Variants in PSMB2 observed in about 807,000 individuals in gnomAD.
The protein encoded by PSMB2 is proteasome subunit beta type-2.
Under a neutral mutation model 25.7 loss-of-function variants are expected in PSMB2, and 13 were observed. That is an observed-to-expected ratio of 0.51 (90% CI 0.33 to 0.80). The LOEUF is 0.80. Among genes scored for constraint, PSMB2 ranks in the 30% least tolerant of loss-of-function variants. The pLI, the probability that PSMB2 is intolerant of heterozygous loss-of-function variation, is 0.02. For missense variants in PSMB2, 202 were observed against 259.0 expected, an observed-to-expected ratio of 0.78 and a Z score of 1.51; for synonymous variants, 87 against 96.2, an observed-to-expected ratio of 0.90 and a Z score of 0.56.
intron 3 of PSMB2, among the ~76,000 whole-genome samples, chr1:35,621,420 T>C (rs1650678187): frequency 6.6e-6 from 1 of 152,210 alleles, no homozygotes; most frequent in African/African-American, 2.4e-5. Context: ...TGAATGAATA[T>C]CAGCAGGTAT....
intron 2 of PSMB2, among the ~76,000 whole-genome samples, chr1:35,634,175 C>T (rs1057111045): frequency 3.9e-5 from 6 of 152,142 alleles, no homozygotes; most frequent in African/African-American, 1.4e-4. Flanking sequence ...TAAGGCAGAA[C>T]CCTTTTATGG....
Position 35,599,781 on chromosome 1 carries a change from G to A in PSMB2, c.*3486C>T. On this transcript the variant is annotated 3_prime_UTR_variant, in exon 6 of 6. Coordinates refer to ENST00000373237, the MANE Select transcript of PSMB2 (RefSeq NM_002794.5). ...GATTAAAAGTAGAGTGAAGTTAGGA[G>A]GCTGTTAAATAGTCTAAGAAACGAT... The A allele has an allele frequency of 1.0e-6, 1 of 983,920 alleles. No homozygotes were observed. Among genetic ancestry groups the A allele is most frequent in the Non-Finnish European group, 1.2e-6 (1 of 828,560 alleles). 60.9% of individuals were successfully genotyped at this position (983,920 alleles called of 1,614,324 possible).
At position 35,601,889 on chromosome 1, in the gene PSMB2, G is replaced by A. The variant is rs1178530587; in HGVS notation, c.*1378C>T. 3 of 985,436 alleles carry A rather than the reference G, an allele frequency of 3.0e-6. No homozygotes were observed. Among genetic ancestry groups the A allele is most frequent in the East Asian group, 2.3e-4 (2 of 8,818 alleles). 61.0% of individuals were successfully genotyped at this position (985,436 alleles called of 1,614,324 possible). A position where few individuals can be genotyped will look rare whatever the true frequency, so the allele number is the denominator to read the frequency against. Reference sequence around the variant, plus strand: ...ACATTGTTCCCTAAAGTTATGCTAAGAGTAAAACGAGTAACTGGTTAACTG... The same window carrying A: ...ACATTGTTCCCTAAAGTTATGCTAAAAGTAAAACGAGTAACTGGTTAACTG... On this transcript the variant is annotated 3_prime_UTR_variant, in exon 6 of 6. Coordinates refer to ENST00000373237, the MANE Select transcript of PSMB2 (RefSeq NM_002794.5).
chr1:35,628,137 A>G (rs1650919791), intron 3 of PSMB2, among the ~76,000 whole-genome samples: 1 of 152,182 alleles, frequency 6.6e-6, no homozygotes, highest in Non-Finnish European at 1.5e-5. Flanking sequence ...AGAACTAAGA[A>G]TCTATTTTGA....
At chr1:35,607,909 G>A (rs749880538) in intron 4 of PSMB2, among the ~76,000 whole-genome samples, 6 of 146,124 alleles carry the variant, frequency 4.1e-5, no homozygotes, top group African/African-American at 1.4e-4. Flanking sequence ...GGAACTGGAC[G>A]GTATTCTGCT....
At chr1:35,609,687 G>A (rs1007430942) in intron 3 of PSMB2, among the ~76,000 whole-genome samples, 1 of 152,164 alleles carries the variant, frequency 6.6e-6, no homozygotes, top group Non-Finnish European at 1.5e-5. Context: ...ATGAGAACCT[G>A]TATAAAAGCA....
rs150182974 is a variant in PSMB2, at chr1:35,603,271, G to T, written c.602C>A (p.Ser201Tyr). Residue 201 changes from serine to tyrosine, a missense_variant, in exon 6 of 6, where the codon TCC becomes TAC. By Grantham distance (144) the Ser-to-Tyr change is moderately radical. Coordinates refer to ENST00000373237, the MANE Select transcript of PSMB2 (RefSeq NM_002794.5). ...LDNISFPKQG[S>Y] ...AGTGGGAGGGAGGACATGATGTTAG[G>T]AGCCCTGTTTGGGGAAGGAAATGTT... 3.4e-4 allele frequency: 543 copies of T among 1,614,016 alleles called. No homozygotes were observed. The highest frequency in any genetic ancestry group is 4.4e-4 in the Non-Finnish European group (515 of 1,180,002).
In PSMB2 at chr1:35,599,930, C is replaced by A; in HGVS notation, c.*3337G>T. On this transcript the variant is annotated 3_prime_UTR_variant, in exon 6 of 6. Transcript: ENST00000373237. ...GGAGGATCACTTGAGGCCAAGAGTT[C>A]GAGACCAGCCTAGGCAACATGGCGA... The A allele has an allele frequency of 1.2e-6, 1 of 841,172 alleles. No individual in the cohort carries two copies. Among genetic ancestry groups the A allele is most frequent in the East Asian group, 1.2e-4 (1 of 8,088 alleles). 52.1% of individuals were successfully genotyped at this position (841,172 alleles called of 1,614,324 possible).
intron 3 of PSMB2, among the ~76,000 whole-genome samples, chr1:35,629,993 T>C (rs1256150634): frequency 6.6e-6 from 1 of 151,726 alleles, no homozygotes; most frequent in Non-Finnish European, 1.5e-5. Flanking sequence ...CTGACCAACA[T>C]GGAGAAACCC....
intron 3 of PSMB2, among the ~76,000 whole-genome samples, chr1:35,630,764 C>T (rs1261784157): frequency 6.6e-6 from 1 of 152,112 alleles, no homozygotes; most frequent in African/African-American, 2.4e-5. Context: ...ATGGTAGATA[C>T]ATGTCATTAT....
intron 1 of PSMB2, among the ~76,000 whole-genome samples, chr1:35,640,085 C>T (rs1651351989): frequency 1.3e-5 from 2 of 151,808 alleles, no homozygotes; most frequent in Non-Finnish European, 2.9e-5. Context: ...CTATACTATA[C>T]TATACTATAC....
intron 2 of PSMB2, among the ~76,000 whole-genome samples, chr1:35,632,438 C>T (rs1034611357): frequency 6.6e-6 from 1 of 152,222 alleles, no homozygotes; most frequent in African/African-American, 2.4e-5. Context: ...TAATTGCTTA[C>T]AACATTTCAA....
intron 5 of PSMB2, among the ~76,000 whole-genome samples, chr1:35,603,950 A>T (rs1034629591): frequency 1.3e-5 from 2 of 150,674 alleles, no homozygotes; most frequent in Non-Finnish European, 2.9e-5. Context: ...TGAGTTCCAG[A>T]AATCCAGGCT....
At chr1:35,621,797 G>A (rs759453636) in intron 3 of PSMB2, among the ~76,000 whole-genome samples, 8 of 151,730 alleles carry the variant, frequency 5.3e-5, no homozygotes, top group Non-Finnish European at 1.2e-4. Flanking sequence ...TCACAAGGTC[G>A]GGAGCCTGGC....
At chr1:35,624,655 A>G (rs1440506601) in intron 3 of PSMB2, among the ~76,000 whole-genome samples, 3 of 152,074 alleles carry the variant, frequency 2.0e-5, no homozygotes, top group Non-Finnish European at 4.4e-5. Flanking sequence ...CAGGAGGCTG[A>G]TGCAGGAGAA....
At chr1:35,616,712 A>G (rs1386270690) in intron 3 of PSMB2, among the ~76,000 whole-genome samples, 1 of 152,176 alleles carries the variant, frequency 6.6e-6, no homozygotes, top group Non-Finnish European at 1.5e-5. Flanking sequence ...CAATTTTTCA[A>G]TTTCACTAAT....
In PSMB2 at chr1:35,637,631, T is replaced by C. The variant is rs147009114; in HGVS notation, c.92-1199A>G. On this transcript the variant is annotated intron_variant, in intron 1 of 5. Coordinates refer to ENST00000373237, the MANE Select transcript of PSMB2 (RefSeq NM_002794.5). ...CTTCTGAAATGCCAAAATCCTTTAA[T>C]AGGATTTAAAGAACAAAATGCTACT... 2.4e-3 allele frequency among the ~76,000 whole-genome samples: 363 copies of C among 152,310 alleles called. 5 individuals carry two copies. The highest frequency in any genetic ancestry group is 8.3e-3 in the African/African-American group (345 of 41,570).
At chr1:35,625,042 C>A (rs1204451952) in intron 3 of PSMB2, among the ~76,000 whole-genome samples, 2 of 129,726 alleles carry the variant, frequency 1.5e-5, no homozygotes, top group African/African-American at 5.3e-5. Flanking sequence ...GCCTGGGTGA[C>A]AGAGCGAAAC....
intron 3 of PSMB2, among the ~76,000 whole-genome samples, chr1:35,618,693 C>T (rs76748902): frequency 0.021 from 3,129 of 152,090 alleles, 90 homozygotes; most frequent in East Asian, 0.061. Flanking sequence ...AACCCAGGGC[C>T]GGTTAGGGTC....
Sources: gnomAD v4.1 joint callset for allele counts (sites outside exome capture counted in the v4.1 genomes callset) on GRCh38, gnomAD v4.1.1 for gene constraint, MANE v1.5 for transcripts, NCBI Gene and HGNC (gene_info 2026-07-23, HGNC 2026-07-21) for gene names.